Variants in SNAPC1 observed in about 807,000 individuals in gnomAD.
SNAPC1 encodes snRNA-activating protein complex subunit 1.
In SNAPC1, 42 loss-of-function variants were observed where a neutral mutation model predicts 50.1. The observed-to-expected ratio is 0.84, with a 90% confidence interval of 0.65 to 1.08. The LOEUF (loss-of-function observed/expected upper bound fraction) is 1.08, where lower values mean the gene tolerates loss of function less well. Among genes scored for constraint, SNAPC1 ranks in the 50% least tolerant of loss-of-function variants. The pLI, the probability that SNAPC1 is intolerant of heterozygous loss-of-function variation, is 0.00. For missense variants in SNAPC1, 477 were observed against 427.3 expected (o/e 1.12, Z -1.02); for synonymous variants, 164 against 144.2 (o/e 1.14, Z -0.98).
At chr14:61,762,926 C>T (rs1044696824) in intron 1 of SNAPC1, among the ~76,000 whole-genome samples, 50 of 147,666 alleles carry the variant, frequency 3.4e-4, no homozygotes, top group African/African-American at 1.2e-3. Context: ...AACACACAAG[C>T]AAAGACAAAA....
In SNAPC1 at chr14:61,766,867, GT is replaced by G; in HGVS notation, c.129-6del. On this transcript the variant is annotated splice_polypyrimidine_tract_variant and splice_region_variant and intron_variant, in intron 1 of 9. Transcript: ENST00000216294. The stretch of plus-strand genomic sequence containing the variant: ...ATGAGTCGTAATATATTTTCTCTCT[GT>G]TTATTAGTGGCAGAATGAGAAATTT... 6.4e-7 allele frequency: 1 copy of G among 1,571,198 alleles called. No individual in the cohort carries two copies. The highest frequency in any genetic ancestry group is 8.8e-7 in the Non-Finnish European group (1 of 1,142,534).
intron 7 of SNAPC1, among the ~76,000 whole-genome samples, chr14:61,781,121 A>G (rs1173833541): frequency 6.6e-6 from 1 of 152,100 alleles, no homozygotes; most frequent in Non-Finnish European, 1.5e-5. Flanking sequence ...CTAATCCTCC[A>G]TGGATACTGA....
At chr14:61,788,708 A>T (rs2045131792) in intron 8 of SNAPC1, among the ~76,000 whole-genome samples, 1 of 152,224 alleles carries the variant, frequency 6.6e-6, no homozygotes, top group South Asian at 2.1e-4. Context: ...TCTCAGTTTA[A>T]GTGGGAGAGT....
chr14:61,767,374 GGTTTT>G (rs2140174486), intron 3 of SNAPC1, 22 bp downstream of exon 3: 1 of 1,393,302 alleles, frequency 7.2e-7, no homozygotes, highest in African/African-American at 1.5e-5. Flanking sequence ...AAAATAATTT[GGTTTT>G]TTCAAAATGA....
At chr14:61,765,302 C>T (rs1306609091) in intron 1 of SNAPC1, among the ~76,000 whole-genome samples, 2 of 152,186 alleles carry the variant, frequency 1.3e-5, no homozygotes, top group Non-Finnish European at 2.9e-5. Context: ...ATTTGAGACA[C>T]GTCTCAGTTA....
chr14:61,795,083 C>A lies in SNAPC1; in HGVS notation c.*100C>A, dbSNP rs1449119975. On this transcript the variant is annotated 3_prime_UTR_variant, in exon 10 of 10. Coordinates refer to ENST00000216294, the MANE Select transcript of SNAPC1 (RefSeq NM_003082.4). The stretch of plus-strand genomic sequence containing the variant: ...GGAAGACTGCCAGTATTAAAAAAAT[C>A]CTTCTGGGAATCTGTAGGTTATTTC... The A allele has an allele frequency of 1.4e-6, 1 of 735,570 alleles. No homozygotes were observed. The highest frequency in any genetic ancestry group is 2.0e-5 in the South Asian group (1 of 49,376). The allele number at this position is 735,570 out of a possible 1,614,324, so 45.6% of individuals were successfully genotyped here.
chr14:61,790,014 C>T (rs1006861069), intron 8 of SNAPC1, among the ~76,000 whole-genome samples: 15 of 152,134 alleles, frequency 9.9e-5, no homozygotes, highest in Non-Finnish European at 1.8e-4. Context: ...AGAGCAAATA[C>T]GGAGACTAGT....
intron 3 of SNAPC1, 76 bp downstream of exon 3, chr14:61,767,428 C>T: frequency 1.1e-6 from 1 of 932,412 alleles, no homozygotes; most frequent in Non-Finnish European, 1.5e-6. Context: ...TCTCAATCTC[C>T]AGAAAATGGA....
At chr14:61,762,634 G>A (rs2044914569) in intron 1 of SNAPC1, 46 bp downstream of exon 1, 3 of 1,608,900 alleles carry the variant, frequency 1.9e-6, no homozygotes, top group Middle Eastern at 1.7e-4. Flanking sequence ...CCCGCAGGTG[G>A]TGTAGAAAGT....
intron 8 of SNAPC1, among the ~76,000 whole-genome samples, chr14:61,790,105 C>A (rs1430797842): frequency 1.3e-5 from 2 of 152,136 alleles, no homozygotes; most frequent in East Asian, 3.9e-4. Flanking sequence ...TACAATGACA[C>A]AATAAAGATT....
Position 61,778,242 on chromosome 14 carries a change from A to G in SNAPC1, c.762+102A>G, listed in dbSNP as rs562425955. ...ATAAGACATATAAGAGAAAATTCTGAATCATGCTTCTGTGAAAAGGTAGTT... is the reference window on the plus strand; with the variant it reads ...ATAAGACATATAAGAGAAAATTCTGGATCATGCTTCTGTGAAAAGGTAGTT... On this transcript the variant is annotated intron_variant, in intron 6 of 9. Transcript: ENST00000216294. 50 of 631,476 alleles carry G rather than the reference A, an allele frequency of 7.9e-5. 1 individual carries two copies. In the African/African-American group the frequency reaches 9.4e-4, roughly 12 times the overall value. 39.1% of individuals were successfully genotyped at this position (631,476 alleles called of 1,614,324 possible). A position where few individuals can be genotyped will look rare whatever the true frequency, so the allele number is the denominator to read the frequency against.
In SNAPC1 at chr14:61,776,334, C is replaced by T. The variant is rs999990485; in HGVS notation, c.693+81C>T. 1.4e-5 allele frequency: 18 copies of T among 1,307,286 alleles called. No homozygotes were observed. The Admixed American group carries it at 2.2e-4, about 16-fold the overall frequency. 81.0% of individuals were successfully genotyped at this position (1,307,286 alleles called of 1,614,324 possible). On this transcript the variant is annotated intron_variant, in intron 5 of 9. Transcript: ENST00000216294. ...GTGGATGATAATGTTGGGAGGCAGC[C>T]TAGTTTTAGAGGCTGTAATCCTGTG...
chr14:61,783,364 C>T (rs1313092477), intron 8 of SNAPC1, among the ~76,000 whole-genome samples: 5 of 151,446 alleles, frequency 3.3e-5, no homozygotes, highest in East Asian at 1.9e-4. Flanking sequence ...TTTTTGTGTG[C>T]GAATCAAACT....
intron 6 of SNAPC1, 54 bp downstream of exon 6, chr14:61,778,194 C>A: frequency 1.0e-6 from 1 of 983,210 alleles, no homozygotes. Context: ...GTATACTGAG[C>A]ATTGTGACCC....
At chr14:61,792,107 G>GAAA (rs59143719) in intron 8 of SNAPC1, among the ~76,000 whole-genome samples, 2,299 of 114,294 alleles carry the variant, frequency 0.02, 72 homozygotes, top group African/African-American at 0.068. Context: ...CATTAAAAAA[G>GAAA]AAAAAAAAAA....
chr14:61,784,301 T>C (rs954809939), intron 8 of SNAPC1, among the ~76,000 whole-genome samples: 5 of 152,168 alleles, frequency 3.3e-5, no homozygotes, highest in Non-Finnish European at 5.9e-5. Flanking sequence ...TCAAAAATAA[T>C]CCTAGACACA....
Position 61,762,565 on chromosome 14 carries a change from C to T in SNAPC1, c.105C>T (p.Asn35=), listed in dbSNP as rs761709599. The T allele has an allele frequency of 1.3e-6, 2 of 1,556,366 alleles. No homozygotes were observed. The highest frequency in any genetic ancestry group is 1.4e-5 in the African/African-American group (1 of 69,478). ...AGGACTTCACGGAGCTCTGGAGAAACATGAAGTTCGGGACTATCTTCTGGT... is the reference window on the plus strand; with the variant it reads ...AGGACTTCACGGAGCTCTGGAGAAATATGAAGTTCGGGACTATCTTCTGGT... ...RFEDFTELWR[N]MKFGTIFCGR... The change falls in exon 1 of 10, where the codon AAC becomes AAT. Residue 35 remains asparagine, a synonymous_variant. Coordinates refer to ENST00000216294, the MANE Select transcript of SNAPC1 (RefSeq NM_003082.4).
In SNAPC1 at chr14:61,795,100, G is replaced by T; in HGVS notation, c.*117G>T. The T allele has an allele frequency of 1.5e-6, 1 of 645,866 alleles. No individual in the cohort carries two copies. The allele number at this position is 645,866 out of a possible 1,614,324, so 40.0% of individuals were successfully genotyped here. ...AAAAAAATCCTTCTGGGAATCTGTA[G>T]GTTATTTCTTGGAAATTGCAATACG... On this transcript the variant is annotated 3_prime_UTR_variant, in exon 10 of 10. Transcript: ENST00000216294.
At chr14:61,787,949 T>C (rs985296538) in intron 8 of SNAPC1, among the ~76,000 whole-genome samples, 1 of 151,874 alleles carries the variant, frequency 6.6e-6, no homozygotes, top group African/African-American at 2.4e-5. Context: ...GAAAAAAAAA[T>C]TTTTTAATGT....
Sources: allele counts gnomAD v4.1 joint callset (sites outside exome capture counted in the v4.1 genomes callset), GRCh38; gene constraint gnomAD v4.1.1; transcripts MANE v1.5; gene names NCBI Gene and HGNC (gene_info 2026-07-23, HGNC 2026-07-21).